GRB10: variants seen among roughly 807,000 people sequenced by gnomAD.
The protein encoded by GRB10 is growth factor receptor bound protein 10, also known as growth factor receptor-bound protein 10.
Under a neutral mutation model 80.9 loss-of-function variants are expected in GRB10, and 20 were observed. That is an observed-to-expected ratio of 0.25 (90% confidence interval 0.17 to 0.36). The LOEUF (loss-of-function observed/expected upper bound fraction) is 0.36. Ranked by LOEUF, GRB10 falls within the 10% of genes least tolerant of loss-of-function variation. GRB10 has a pLI of 1.00. For missense variants in GRB10, 548 were observed against 747.7 expected (o/e 0.73, Z 3.12); for synonymous variants, 291 against 291.5 (o/e 1.00, Z 0.02).
intron 5 of GRB10, among the ~76,000 whole-genome samples, chr7:50,675,609 A>G (rs550931314): frequency 6.6e-6 from 1 of 152,356 alleles, no homozygotes; most frequent in African/African-American, 2.4e-5. Flanking sequence ...GAAAGATGGA[A>G]TTCTGCCTCC....
chr7:50,612,255 A>G (rs1175223976), intron 13 of GRB10, among the ~76,000 whole-genome samples: 1 of 151,882 alleles, frequency 6.6e-6, no homozygotes, highest in Non-Finnish European at 1.5e-5. Flanking sequence ...CTCATGTACT[A>G]TTTCCTTTCT....
chr7:50,777,345 C>G (rs771844728), intron 2 of GRB10, among the ~76,000 whole-genome samples: 1 of 151,748 alleles, frequency 6.6e-6, no homozygotes, highest in Non-Finnish European at 1.5e-5. Context: ...CTCCTAAAGG[C>G]CCCACCTCTT....
Position 50,669,780 on chromosome 7 carries a change from C to G in GRB10, c.446G>C (p.Gly149Ala). The stretch of plus-strand genomic sequence containing the variant: ...ACCCGGCGTGAGCACAGGGGGGCTC[C>G]CAGGGCCACAGAGTTCAGGAAAAGG... The part of the protein sequence containing the change: ...PNPFPELCGP[G>A]SPPVLTPGSL... Residue 149 changes from glycine (G) to alanine (A), a missense_variant, in exon 7 of 19, where the codon GGG becomes GCG. Gly to Ala is a moderately conservative substitution (Grantham distance 60). This residue lies in a region of GRB10 where 245 missense variants were observed against 229.3 expected (regional missense o/e 1.07). Coordinates refer to ENST00000401949, the MANE Select transcript of GRB10 (RefSeq NM_001350814.2). 6.2e-7 allele frequency: 1 copy of G among 1,614,048 alleles called. No homozygotes were observed. Among genetic ancestry groups the G allele is most frequent in the Non-Finnish European group, 8.5e-7 (1 of 1,179,988 alleles).
intron 8 of GRB10, among the ~76,000 whole-genome samples, chr7:50,621,268 C>A (rs2051683863): frequency 6.6e-6 from 1 of 152,224 alleles, no homozygotes; most frequent in Admixed American, 6.5e-5. Flanking sequence ...GTGGTCAGAT[C>A]CAGGTGGACA....
upstream of GRB10, among the ~76,000 whole-genome samples, chr7:50,785,611 T>C (rs528034723): frequency 1.2e-4 from 18 of 152,310 alleles, no homozygotes; most frequent in African/African-American, 2.4e-4. Context: ...TGTGGAACCA[T>C]TGGCTTCACT....
intron 3 of GRB10, among the ~76,000 whole-genome samples, chr7:50,738,973 ATT>A (rs1022306383): frequency 1.2e-4 from 18 of 152,190 alleles, no homozygotes; most frequent in Non-Finnish European, 2.1e-4. Flanking sequence ...ATATATTAAA[ATT>A]TGTTTATTTT....
At chr7:50,791,328 C>G (rs2078905928) in intron 1 of GRB10, among the ~76,000 whole-genome samples, 1 of 152,176 alleles carries the variant, frequency 6.6e-6, no homozygotes, top group Admixed American at 6.5e-5. Flanking sequence ...ACCTTGAAGG[C>G]TGGGAGCCCC....
At chr7:50,605,512 C>T (rs766942360) in intron 14 of GRB10, 106 bp from the exon 15 acceptor site, 2 of 945,824 alleles carry the variant, frequency 2.1e-6, no homozygotes, top group Non-Finnish European at 3.5e-6. Flanking sequence ...GCAGGGAATG[C>T]CTGCTTTCTA....
chr7:50,695,781 G>T (rs1214497493), intron 5 of GRB10, among the ~76,000 whole-genome samples: 1 of 151,886 alleles, frequency 6.6e-6, no homozygotes, highest in African/African-American at 2.4e-5. Context: ...TAAATAAAAT[G>T]AAAAATAATA....
At chr7:50,664,561 T>C (rs2059605719) in intron 7 of GRB10, among the ~76,000 whole-genome samples, 2 of 152,226 alleles carry the variant, frequency 1.3e-5, no homozygotes, top group South Asian at 4.2e-4. Flanking sequence ...CCTTCTGTGG[T>C]GCCCCTCCCT....
chr7:50,661,203 C>G (rs2059236343), intron 7 of GRB10, among the ~76,000 whole-genome samples: 1 of 152,214 alleles, frequency 6.6e-6, no homozygotes, highest in South Asian at 2.1e-4. Context: ...CAAAGATGGT[C>G]TAACATATTG....
intron 5 of GRB10, among the ~76,000 whole-genome samples, chr7:50,702,843 T>G (rs1011820787): frequency 2.0e-5 from 3 of 152,262 alleles, no homozygotes; most frequent in Admixed American, 1.3e-4. Flanking sequence ...CAGTGTAATT[T>G]TTTCTGGTTT....
chr7:50,693,773 C>T (rs981955931), intron 5 of GRB10, among the ~76,000 whole-genome samples: 7 of 151,982 alleles, frequency 4.6e-5, no homozygotes, highest in Admixed American at 2.6e-4. Context: ...GAGGTACACA[C>T]GATGCAGAGG....
intron 18 of GRB10, 120 bp from the exon 19 acceptor site, chr7:50,593,218 C>T (rs1207416453): frequency 3.5e-6 from 4 of 1,154,762 alleles, no homozygotes; most frequent in Non-Finnish European, 2.6e-6. Flanking sequence ...ACACACAGGG[C>T]AAGGTAGGCT....
Position 50,721,905 on chromosome 7 carries a change from T to C in GRB10, c.51+10367A>G, listed in dbSNP as rs116676338. Among the ~76,000 whole-genome samples the C allele has an allele frequency of 9.9e-3, 1,501 of 152,160 alleles. 27 individuals are homozygous for C. The highest frequency in any genetic ancestry group is 0.033 in the African/African-American group (1,359 of 41,496). On this transcript the variant is annotated intron_variant, in intron 4 of 18. Coordinates refer to ENST00000401949, the MANE Select transcript of GRB10 (RefSeq NM_001350814.2). ...GGAAGGGAAGGTGTCTGGGCTGAAGTCCAGGGAAATGGCCCAGGCCAAGAA... is the reference window on the plus strand; with the variant it reads ...GGAAGGGAAGGTGTCTGGGCTGAAGCCCAGGGAAATGGCCCAGGCCAAGAA...
chr7:50,769,619 ACT>A (rs941447533), intron 2 of GRB10, among the ~76,000 whole-genome samples: 8 of 152,132 alleles, frequency 5.3e-5, no homozygotes, highest in African/African-American at 1.9e-4. Flanking sequence ...TGAGCACCAC[ACT>A]AAGGACCTTT....
chr7:50,789,768 C>A (rs1316809075), intron 1 of GRB10, among the ~76,000 whole-genome samples: 4 of 152,094 alleles, frequency 2.6e-5, no homozygotes, highest in Admixed American at 2.6e-4. Flanking sequence ...AAGAAAAAAT[C>A]TCCTTAGAGT....
chr7:50,653,671 C>T (rs2058281422), intron 7 of GRB10, among the ~76,000 whole-genome samples: 1 of 152,210 alleles, frequency 6.6e-6, no homozygotes, highest in African/African-American at 2.4e-5. Context: ...ACCACTTCAG[C>T]CGCTGGCCTC....
chr7:50,622,318 C>A (rs550365540), intron 8 of GRB10, among the ~76,000 whole-genome samples: 3 of 152,306 alleles, frequency 2.0e-5, no homozygotes, highest in Admixed American at 2.0e-4. Context: ...CAGCAAGAGT[C>A]AACAGGCGCC....
Sources: allele counts gnomAD v4.1 joint callset (sites outside exome capture counted in the v4.1 genomes callset), GRCh38; gene constraint gnomAD v4.1.1; regional missense constraint gnomAD v4.1.1; transcripts MANE v1.5; gene names NCBI Gene and HGNC (gene_info 2026-07-23, HGNC 2026-07-21).